The following ROBO2 variants were observed in gnomAD, a reference collection of about 807,000 sequenced individuals.
ROBO2 encodes roundabout homolog 2.
Under a neutral mutation model 160.8 loss-of-function variants are expected in ROBO2, and 53 were observed. The observed-to-expected ratio is 0.33, with a 90% CI of 0.26 to 0.41. The LOEUF (loss-of-function observed/expected upper bound fraction) is 0.41, where lower values mean the gene tolerates loss of function less well. Ranked by LOEUF, ROBO2 falls within the 10% of genes least tolerant of loss-of-function variation. ROBO2 has a pLI of 1.00. For missense variants in ROBO2, 1,577 were observed against 1,722.4 expected, an observed-to-expected ratio of 0.92 and a Z score of 1.49; for synonymous variants, 664 against 611.7, an observed-to-expected ratio of 1.09 and a Z score of -1.26.
At chr3:76,602,117 A>C (rs940391989) in intron 2 of ROBO2, among the ~76,000 whole-genome samples, 2 of 152,202 alleles carry the variant, frequency 1.3e-5, no homozygotes. Context: ...AGACTACCTC[A>C]GCCTGGACCT....
At chr3:76,027,390 C>T (rs1463293401) in intron 2 of ROBO2, among the ~76,000 whole-genome samples, 3 of 151,770 alleles carry the variant, frequency 2.0e-5, no homozygotes, top group East Asian at 1.9e-4. Context: ...TTACAATATT[C>T]ATTGTAGAGT....
chr3:76,267,294 A>G (rs890263496), intron 2 of ROBO2, among the ~76,000 whole-genome samples: 1 of 152,214 alleles, frequency 6.6e-6, no homozygotes, highest in Non-Finnish European at 1.5e-5. Context: ...AAATGCTTTT[A>G]TAAATTCAAT....
intron 1 of ROBO2, among the ~76,000 whole-genome samples, chr3:75,914,752 T>C (rs1559747529): frequency 6.6e-6 from 1 of 152,218 alleles, no homozygotes; most frequent in Admixed American, 6.5e-5. Context: ...TGCATATTTT[T>C]AGCTCCCAGT....
rs184668371 is a variant in ROBO2, at chr3:76,074,707, G to T, written c.109+137105G>T. 1.7e-4 allele frequency among the ~76,000 whole-genome samples: 26 copies of T among 152,228 alleles called. No homozygotes were observed. The East Asian group carries it at 4.6e-3, about 27-fold the overall frequency. ...TTAATATAAAGTAAAATATAAGACT[G>T]TTCATAGTAAAATAGTCAATAAAAT... On this transcript the variant is annotated intron_variant, in intron 2 of 26. Transcript: ENST00000487694.
At chr3:76,642,809 C>T (rs1007150955) in intron 2 of ROBO2, among the ~76,000 whole-genome samples, 1 of 151,990 alleles carries the variant, frequency 6.6e-6, no homozygotes, top group Non-Finnish European at 1.5e-5. Context: ...TACGTAAAAC[C>T]ATGAAATATT....
chr3:76,804,087 T>G (rs960164938), intron 2 of ROBO2, among the ~76,000 whole-genome samples: 1 of 152,174 alleles, frequency 6.6e-6, no homozygotes, highest in South Asian at 2.1e-4. Context: ...TCCTATCTTG[T>G]GTGGGTGTAG....
At chr3:77,455,638 G>A (rs62251064) in intron 2 of ROBO2, among the ~76,000 whole-genome samples, 12,139 of 151,972 alleles carry the variant, frequency 0.08, 563 homozygotes, top group African/African-American at 0.11. Context: ...CACCATGTTG[G>A]CCAGGATGGT....
chr3:76,019,162 C>A (rs925061300), intron 2 of ROBO2, among the ~76,000 whole-genome samples: 3 of 151,696 alleles, frequency 2.0e-5, no homozygotes, highest in East Asian at 3.9e-4. Flanking sequence ...ATTATGGTCT[C>A]CCCACATGGT....
intron 2 of ROBO2, among the ~76,000 whole-genome samples, chr3:76,419,400 C>T (rs913911025): frequency 2.0e-5 from 3 of 151,630 alleles, no homozygotes; most frequent in Non-Finnish European, 4.4e-5. Context: ...CATTTTTATT[C>T]AAAGTGATAC....
chr3:77,613,797 A>G (rs2094704660), intron 21 of ROBO2, among the ~76,000 whole-genome samples: 1 of 152,188 alleles, frequency 6.6e-6, no homozygotes, highest in Non-Finnish European at 1.5e-5. Context: ...GTTAAATACT[A>G]AAATAAATTA....
chr3:76,321,014 C>T (rs1576410772), intron 2 of ROBO2, among the ~76,000 whole-genome samples: 1 of 152,116 alleles, frequency 6.6e-6, no homozygotes, highest in Admixed American at 6.5e-5. Flanking sequence ...TACATGCATT[C>T]ATTCAATAAA....
In ROBO2 at chr3:76,878,622, A is replaced by C. The variant is rs775709235; in HGVS notation, c.110-219392A>C. On this transcript the variant is annotated intron_variant, in intron 2 of 26. Coordinates refer to the ROBO2 transcript ENST00000487694. The stretch of plus-strand genomic sequence containing the variant: ...AATTGTGTACCAAGATTACCAAGTA[A>C]ATTTTTGCCAACTAGCCGTATTTTC... Among the ~76,000 whole-genome samples, 8 of 152,150 alleles carry C rather than the reference A, an allele frequency of 5.3e-5. No homozygotes were observed. In the East Asian group the frequency reaches 1.5e-3, roughly 29 times the overall value.
intron 2 of ROBO2, among the ~76,000 whole-genome samples, chr3:76,456,332 A>G (rs982774869): frequency 2.0e-5 from 3 of 152,178 alleles, no homozygotes; most frequent in African/African-American, 7.2e-5. Flanking sequence ...GGTTTGTTCA[A>G]TTTTTATTGT....
At chr3:76,698,607 G>C (rs1465712863) in intron 2 of ROBO2, among the ~76,000 whole-genome samples, 2 of 152,274 alleles carry the variant, frequency 1.3e-5, no homozygotes, top group African/African-American at 4.8e-5. Context: ...GTAACCATTT[G>C]AACCCTGGTT....
chr3:76,390,280 T>A (rs140549577), intron 2 of ROBO2, among the ~76,000 whole-genome samples: 15 of 152,138 alleles, frequency 9.9e-5, no homozygotes, highest in African/African-American at 3.6e-4. Flanking sequence ...CAATACTGAG[T>A]CCCTTTATTA....
intron 2 of ROBO2, among the ~76,000 whole-genome samples, chr3:76,514,814 C>T (rs2081269012): frequency 6.6e-6 from 1 of 152,122 alleles, no homozygotes; most frequent in African/African-American, 2.4e-5. Context: ...ACTATGGAAA[C>T]TCAGAGGTTA....
At chr3:76,754,096 G>C (rs2060831328) in intron 2 of ROBO2, among the ~76,000 whole-genome samples, 1 of 151,736 alleles carries the variant, frequency 6.6e-6, no homozygotes, top group Non-Finnish European at 1.5e-5. Context: ...AAGATAAACT[G>C]CATTTCTAAT....
chr3:76,705,195 T>C (rs1353971432), intron 2 of ROBO2, among the ~76,000 whole-genome samples: 2 of 152,162 alleles, frequency 1.3e-5, no homozygotes, highest in Admixed American at 1.3e-4. Context: ...GTTGTACTTT[T>C]AGCTCTGTGA....
At chr3:77,329,885 G>T (rs2065810680) in intron 2 of ROBO2, among the ~76,000 whole-genome samples, 1 of 152,114 alleles carries the variant, frequency 6.6e-6, no homozygotes, top group Non-Finnish European at 1.5e-5. Context: ...ACTGTATTTG[G>T]CACAGATTAT....
Sources: gnomAD v4.1 joint callset for allele counts (sites outside exome capture counted in the v4.1 genomes callset) on GRCh38, gnomAD v4.1.1 for gene constraint, MANE v1.5 for transcripts, NCBI Gene and HGNC (gene_info 2026-07-23, HGNC 2026-07-21) for gene names.